RECQL5: variants seen among roughly 807,000 people sequenced by gnomAD.
RECQL5 encodes the protein RecQ like helicase 5, also known as ATP-dependent DNA helicase Q5.
Under a neutral mutation model 103.4 loss-of-function variants are expected in RECQL5, and 88 were observed. That is an observed-to-expected ratio of 0.85 (90% CI 0.72 to 1.02). The LOEUF is 1.02. Among genes scored for constraint, RECQL5 ranks in the 50% least tolerant of loss-of-function variants. RECQL5 has a pLI of 0.00. For synonymous variants in RECQL5, 552 were observed against 507.9 expected, an observed-to-expected ratio of 1.09 and a Z score of -1.17; for missense variants, 1,232 against 1,284.3, an observed-to-expected ratio of 0.96 and a Z score of 0.62.
At chr17:75,661,158 T>C in intron 5 of RECQL5, 92 bp from the exon 6 acceptor site, 2 of 913,836 alleles carry the variant, frequency 2.2e-6, no homozygotes, top group South Asian at 1.3e-5. Context: ...TGCTAGGCAC[T>C]TCACAAACCC....
At chr17:75,649,821 C>T (rs544855284) in intron 8 of RECQL5, 2 of 985,476 alleles carry the variant, frequency 2.0e-6, no homozygotes, top group South Asian at 4.7e-5. Context: ...AACACCGTCA[C>T]CTGGACTCCT....
In RECQL5 at chr17:75,640,700, G is replaced by C; in HGVS notation, c.1230-9032C>G. 1 of 1,503,432 alleles carries C rather than the reference G, an allele frequency of 6.7e-7. No homozygotes were observed. Among genetic ancestry groups the C allele is most frequent in the African/African-American group, 1.4e-5 (1 of 72,642 alleles). The allele number at this position is 1,503,432 out of a possible 1,614,324, so 93.1% of individuals were successfully genotyped here. ...ACCTCCACCAAACCTGTGGGGGAAA[G>C]ACCCTGGCAGGCAGTGGGTTTCTCT... On this transcript the variant is annotated intron_variant, in intron 8 of 19. Coordinates refer to ENST00000317905, the MANE Select transcript of RECQL5 (RefSeq NM_004259.7). The surrounding 1 kb of genome is among the most constrained non-coding windows in gnomAD (Gnocchi z 4.6).
chr17:75,648,627 C>T (rs1474014990), intron 8 of RECQL5, among the ~76,000 whole-genome samples: 1 of 150,420 alleles, frequency 6.6e-6, no homozygotes, highest in Non-Finnish European at 1.5e-5. Flanking sequence ...CCCGCCTCAG[C>T]CTCCAAAGTG....
chr17:75,630,320 G>C, intron 13 of RECQL5, 43 bp from the exon 14 acceptor site: 2 of 1,495,808 alleles, frequency 1.3e-6, no homozygotes, highest in South Asian at 2.6e-5. Flanking sequence ...AGGTGGGCCT[G>C]GGCTTCTCCC....
intron 8 of RECQL5, chr17:75,650,399 A>G (rs1249896203): frequency 1.4e-5 from 17 of 1,222,978 alleles, no homozygotes; most frequent in Non-Finnish European, 1.5e-5. Flanking sequence ...GCAAAAACCA[A>G]GATGGCCCAG....
At chr17:75,661,764 C>G in intron 4 of RECQL5, 56 bp from the exon 5 acceptor site, 1 of 1,270,992 alleles carries the variant, frequency 7.9e-7, no homozygotes, top group Non-Finnish European at 1.1e-6. Flanking sequence ...ACAATAGGCC[C>G]AGTGTAATGC....
Position 75,630,171 on chromosome 17 carries a change from G to T in RECQL5, c.1812+13C>A. 1 of 1,537,792 alleles carries T rather than the reference G, an allele frequency of 6.5e-7. No individual in the cohort carries two copies. The highest frequency in any genetic ancestry group is 8.8e-7 in the Non-Finnish European group (1 of 1,140,008). ...CCCTGCAACGACCCTGGGTCCGCCT[G>T]CACCAGGCCCACCTTCTTCAGCACG... On this transcript the variant is annotated intron_variant, in intron 14 of 19. Transcript: ENST00000317905.
At chr17:75,662,344 C>T (rs937755128) in intron 4 of RECQL5, 135 bp downstream of exon 4, 17 of 998,956 alleles carry the variant, frequency 1.7e-5, no homozygotes, top group African/African-American at 1.1e-4. Context: ...AAAGAGACAA[C>T]TCTTTTTGTG....
At chr17:75,641,181 T>A in intron 8 of RECQL5, 1 of 398,162 alleles carries the variant, frequency 2.5e-6, no homozygotes, top group Non-Finnish European at 4.6e-6. Flanking sequence ...CTGCACTTTT[T>A]AACAAAACAA....
In RECQL5 at chr17:75,661,698, C is replaced by T. The variant is rs558602271; in HGVS notation, c.782G>A (p.Cys261Tyr). 1.2e-6 allele frequency: 2 copies of T among 1,613,880 alleles called. No homozygotes were observed. Among genetic ancestry groups the T allele is most frequent in the Admixed American group, 1.7e-5 (1 of 60,012 alleles). Residue 261 changes from cysteine to tyrosine, a missense_variant, in exon 5 of 20, where the codon TGC (cysteine) becomes TAC (tyrosine). Physicochemically the swap from Cys to Tyr is radical, Grantham distance 194. Coordinates refer to ENST00000317905, the MANE Select transcript of RECQL5 (RefSeq NM_004259.7). ...GQEADKGLSG[C>Y]GIVYCRTREA... ...TCTAGTCCTGCAGTACACAATGCCGCAGCCAGATAACTGAATGGGGAGATG... is the reference window on the plus strand; with the variant it reads ...TCTAGTCCTGCAGTACACAATGCCGTAGCCAGATAACTGAATGGGGAGATG...
At chr17:75,628,149 G>T in intron 18 of RECQL5, 69 bp downstream of exon 18, 5 of 1,319,172 alleles carry the variant, frequency 3.8e-6, no homozygotes, top group Non-Finnish European at 5.4e-6. Context: ...CAAACTCCCT[G>T]CCTCCCACCC....
intron 9 of RECQL5, 23 bp downstream of exon 9, chr17:75,631,427 G>A (rs774055000): frequency 3.7e-6 from 6 of 1,600,150 alleles, no homozygotes; most frequent in South Asian, 2.2e-5. Flanking sequence ...GCGGGTTGGA[G>A]CCCTGGCTTC....
chr17:75,651,173 A>G lies in RECQL5; in HGVS notation c.1229+13T>C, dbSNP rs1163844579. On this transcript the variant is annotated intron_variant, in intron 8 of 19. Coordinates refer to ENST00000317905, the MANE Select transcript of RECQL5 (RefSeq NM_004259.7). Reference sequence around the variant, plus strand: ...ACTGACACTTTGCTCCACATATAAAATAAGTCACTTACCCCAGTTCTTCAC... The same window carrying G: ...ACTGACACTTTGCTCCACATATAAAGTAAGTCACTTACCCCAGTTCTTCAC... 3 of 1,614,206 alleles carry G rather than the reference A, an allele frequency of 1.9e-6. No individual in the cohort carries two copies. Among genetic ancestry groups the G allele is most frequent in the South Asian group, 2.2e-5 (2 of 91,086 alleles).
chr17:75,627,425 T>C lies in RECQL5; in HGVS notation c.2973A>G (p.Arg991=). 1 of 1,613,102 alleles carries C rather than the reference T, an allele frequency of 6.2e-7. No homozygotes were observed. Among genetic ancestry groups the C allele is most frequent in the Non-Finnish European group, 8.5e-7 (1 of 1,179,790 alleles). ...ADWHGLCGPQ[R] ...GCCCTGCCCAGCCAGCAGTTGGTCA[T>C]CTCTGGGGGCCACACAGGCCATGCC... is the stretch of plus-strand genomic sequence containing the variant. Residue 991 remains arginine, a synonymous_variant, in exon 20 of 20, where the codon AGA becomes AGG. Coordinates refer to ENST00000317905, the MANE Select transcript of RECQL5 (RefSeq NM_004259.7).
In RECQL5 at chr17:75,634,887, G is replaced by A. The variant is rs895817280; in HGVS notation, c.1230-3219C>T. 9.2e-5 allele frequency among the ~76,000 whole-genome samples: 14 copies of A among 152,304 alleles called. 1 individual carries two copies. In the South Asian group the frequency reaches 2.5e-3, roughly 27 times the overall value. On this transcript the variant is annotated intron_variant, in intron 8 of 19. Coordinates refer to ENST00000317905, the MANE Select transcript of RECQL5 (RefSeq NM_004259.7). ...CAGAAGTGAGGCTGGGAGGGACCAC[G>A]CTGGCAACCGGGACCTCTGCTGTGC...
chr17:75,635,663 C>T, intron 8 of RECQL5: 1 of 454,792 alleles, frequency 2.2e-6, no homozygotes, highest in Non-Finnish European at 2.9e-6. Flanking sequence ...CTGCAAATCT[C>T]CCACAAGTGT....
chr17:75,629,564 G>A (rs913045180), intron 15 of RECQL5, 89 bp from the exon 16 acceptor site: 17 of 1,497,406 alleles, frequency 1.1e-5, no homozygotes, highest in Admixed American at 6.8e-5. Flanking sequence ...ACATTGGGAC[G>A]GGGCTCTCAG....
chr17:75,659,788 T>C (rs1223082533), intron 6 of RECQL5, among the ~76,000 whole-genome samples: 6 of 152,222 alleles, frequency 3.9e-5, no homozygotes, highest in Non-Finnish European at 8.8e-5. Flanking sequence ...CCGTAAATCA[T>C]ACAAGGTATT....
intron 7 of RECQL5, among the ~76,000 whole-genome samples, chr17:75,656,814 G>A (rs1218924239): frequency 3.3e-5 from 5 of 149,284 alleles, no homozygotes; most frequent in African/African-American, 7.4e-5. Flanking sequence ...GCGTGATCTC[G>A]GCTCACTGCA....
Sources: allele counts gnomAD v4.1 joint callset (sites outside exome capture counted in the v4.1 genomes callset), GRCh38; gene constraint gnomAD v4.1.1; non-coding constraint Gnocchi (gnomAD v3.1); transcripts MANE v1.5; gene names NCBI Gene and HGNC (gene_info 2026-07-23, HGNC 2026-07-21).